Variants in MMP26 observed in about 807,000 individuals in gnomAD.
MMP26 encodes the protein matrix metallopeptidase 26.
A neutral mutation model predicts 31.0 loss-of-function variants in MMP26; 33 were observed. The observed-to-expected ratio is 1.06, with a 90% CI of 0.81 to 1.42. The LOEUF is 1.42. MMP26 is among the 40% of genes most tolerant of loss of function. The probability of loss-of-function intolerance (pLI) is 0.00; values close to 1 mark genes in which losing one functional copy is unlikely to be tolerated. For missense variants in MMP26, 347 were observed against 316.1 expected (o/e 1.10, Z -0.74); for synonymous variants, 122 against 114.9 (o/e 1.06, Z -0.40).
chr11:4,991,714 C>A (rs1039779329), intron 6 of MMP26, among the ~76,000 whole-genome samples: 1 of 152,130 alleles, frequency 6.6e-6, no homozygotes, highest in African/African-American at 2.4e-5. Flanking sequence ...CTCCTTATCT[C>A]TTTGCTTCTA....
intron 4 of MMP26, 102 bp downstream of exon 4, chr11:4,989,970 A>G: frequency 1.1e-6 from 1 of 930,600 alleles, no homozygotes; most frequent in East Asian, 2.6e-5. Flanking sequence ...TTCTGCTTTC[A>G]TTGGCAGCCC....
intron 2 of MMP26, among the ~76,000 whole-genome samples, chr11:4,962,170 G>C (rs1416257772): frequency 6.6e-6 from 1 of 152,086 alleles, no homozygotes; most frequent in Non-Finnish European, 1.5e-5. Flanking sequence ...TGTGCTCCTT[G>C]ATAACATTGC....
At chr11:4,840,153 G>A (rs1849774622) in intron 2 of MMP26, among the ~76,000 whole-genome samples, 1 of 152,162 alleles carries the variant, frequency 6.6e-6, no homozygotes, top group African/African-American at 2.4e-5. Context: ...CAGCTCAGCT[G>A]CAGTATAATA....
chr11:4,727,491 A>T (rs187590921), intron 1 of MMP26, among the ~76,000 whole-genome samples: 1 of 152,308 alleles, frequency 6.6e-6, no homozygotes, highest in East Asian at 1.9e-4. Flanking sequence ...TTGGTTTAGT[A>T]CAAGGTACAT....
At chr11:4,870,750 C>G (rs1319659812) in intron 2 of MMP26, among the ~76,000 whole-genome samples, 1 of 151,974 alleles carries the variant, frequency 6.6e-6, no homozygotes, top group Non-Finnish European at 1.5e-5. Flanking sequence ...TTTTTGTTTT[C>G]ATTTTACAGT....
chr11:4,938,468 A>G (rs565515119), intron 2 of MMP26, among the ~76,000 whole-genome samples: 1 of 151,788 alleles, frequency 6.6e-6, no homozygotes, highest in East Asian at 1.9e-4. Context: ...AAAAAAAAAA[A>G]GAAAACAAAA....
intron 2 of MMP26, chr11:4,923,872 GA>G: frequency 6.2e-7 from 1 of 1,614,020 alleles, no homozygotes; most frequent in Non-Finnish European, 8.5e-7. Context: ...GGAGGATGAG[GA>G]GAGCACTTCT....
chr11:4,888,879 T>C (rs1312844702), intron 2 of MMP26, among the ~76,000 whole-genome samples: 3 of 152,316 alleles, frequency 2.0e-5, no homozygotes. Context: ...GTACCATGTG[T>C]CTGAAAGTCA....
chr11:4,949,691 A>T (rs1161634002), intron 2 of MMP26, among the ~76,000 whole-genome samples: 2 of 124,120 alleles, frequency 1.6e-5, no homozygotes, highest in Non-Finnish European at 3.7e-5. Context: ...AAATGAAGAA[A>T]ATAAACTGGT....
chr11:4,949,965 C>T (rs1270274033), intron 2 of MMP26, among the ~76,000 whole-genome samples: 1 of 122,930 alleles, frequency 8.1e-6, no homozygotes, highest in East Asian at 2.3e-4. Context: ...TTTTACATTT[C>T]AATCTTTATG....
chr11:4,758,799 C>T (rs1408556911), intron 1 of MMP26, among the ~76,000 whole-genome samples: 1 of 151,904 alleles, frequency 6.6e-6, no homozygotes, highest in Non-Finnish European at 1.5e-5. Flanking sequence ...AATGTGTTTA[C>T]TATACGACTT....
chr11:4,766,996 G>T (rs970482821), intron 1 of MMP26, among the ~76,000 whole-genome samples: 2 of 152,078 alleles, frequency 1.3e-5, no homozygotes, highest in African/African-American at 4.8e-5. Context: ...ACATATAAAA[G>T]TCAGAAAGTG....
At chr11:4,719,564 T>C (rs1015433094) in intron 1 of MMP26, 9 of 152,684 alleles carry the variant, frequency 5.9e-5, no homozygotes, top group Admixed American at 2.6e-4. Context: ...AAGAACTAGA[T>C]GAACCTTTCA....
intron 1 of MMP26, among the ~76,000 whole-genome samples, chr11:4,764,730 G>T (rs1848607318): frequency 6.6e-6 from 1 of 152,102 alleles, no homozygotes; most frequent in African/African-American, 2.4e-5. Flanking sequence ...AAAATTAGCT[G>T]GGCGCGGTGG....
chr11:4,779,922 G>C (rs1475391570), intron 2 of MMP26, among the ~76,000 whole-genome samples: 1 of 152,006 alleles, frequency 6.6e-6, no homozygotes, highest in Non-Finnish European at 1.5e-5. Context: ...ACTGAACTTT[G>C]TATAAATTGA....
chr11:4,846,242 C>G (rs979335581), intron 2 of MMP26, among the ~76,000 whole-genome samples: 6 of 152,084 alleles, frequency 3.9e-5, no homozygotes, highest in Non-Finnish European at 7.4e-5. Flanking sequence ...GAGATCCTAT[C>G]ATTTGCAACA....
intron 2 of MMP26, among the ~76,000 whole-genome samples, chr11:4,836,782 C>T (rs538205271): frequency 6.6e-6 from 1 of 150,380 alleles, no homozygotes; most frequent in East Asian, 2.0e-4. Flanking sequence ...GCCTCAGCCT[C>T]CCGAGTAGCT....
intron 2 of MMP26, among the ~76,000 whole-genome samples, chr11:4,776,632 T>C (rs34799911): frequency 6.6e-6 from 1 of 152,154 alleles, no homozygotes; most frequent in African/African-American, 2.4e-5. Flanking sequence ...TGGGAGGTGA[T>C]TGAATCATGG....
At chr11:4,750,564 G>A (rs1266284961) in intron 1 of MMP26, among the ~76,000 whole-genome samples, 5 of 151,962 alleles carry the variant, frequency 3.3e-5, no homozygotes, top group Non-Finnish European at 7.4e-5. Context: ...CGTGGTGAGT[G>A]TATACCATGG....
Sources: gnomAD v4.1 joint callset for allele counts (sites outside exome capture counted in the v4.1 genomes callset) on GRCh38, gnomAD v4.1.1 for gene constraint, MANE v1.5 for transcripts, NCBI Gene and HGNC (gene_info 2026-07-23, HGNC 2026-07-21) for gene names.